The following STEAP1B variants were observed in gnomAD, a reference collection of about 807,000 sequenced individuals.
STEAP1B encodes the protein STEAP family protein MGC87042.
A neutral mutation model predicts 27.9 loss-of-function variants in STEAP1B; 13 were observed. The ratio of observed to expected loss-of-function variants is 0.47; its 90% confidence interval spans 0.30 to 0.74. The LOEUF (loss-of-function observed/expected upper bound fraction) is 0.74, where lower values mean the gene tolerates loss of function less well. STEAP1B is among the 30% of genes least tolerant of loss of function. STEAP1B has a pLI of 0.06. For missense variants in STEAP1B, 250 were observed against 298.7 expected (o/e 0.84, Z 1.20); for synonymous variants, 86 against 107.1 (o/e 0.80, Z 1.22).
intron 4 of STEAP1B, among the ~76,000 whole-genome samples, chr7:22,489,001 C>T (rs1786270973): frequency 6.6e-6 from 1 of 152,188 alleles, no homozygotes; most frequent in Non-Finnish European, 1.5e-5. Context: ...AAGTTCTCTT[C>T]TACCCAAGGC....
chr7:22,435,548 AG>A (rs952701978), intron 4 of STEAP1B, among the ~76,000 whole-genome samples: 2 of 152,266 alleles, frequency 1.3e-5, no homozygotes, highest in Admixed American at 1.3e-4. Flanking sequence ...CTCAGCACCA[AG>A]GGGGGTGGTT....
At chr7:22,450,996 A>G (rs995177596) in intron 4 of STEAP1B, among the ~76,000 whole-genome samples, 5 of 152,092 alleles carry the variant, frequency 3.3e-5, no homozygotes, top group Admixed American at 3.3e-4. Context: ...GGAGTTCAAG[A>G]CCAGCCTGGC....
chr7:22,463,744 G>C (rs943753450), intron 4 of STEAP1B, among the ~76,000 whole-genome samples: 1 of 152,004 alleles, frequency 6.6e-6, no homozygotes, highest in Non-Finnish European at 1.5e-5. Context: ...GGGAAAACTG[G>C]CTAGCCATAT....
chr7:22,439,521 G>T (rs987556229), intron 4 of STEAP1B, among the ~76,000 whole-genome samples: 9 of 152,026 alleles, frequency 5.9e-5, no homozygotes, highest in Admixed American at 5.2e-4. Context: ...TGGGACTGCT[G>T]CTATAAATTC....
chr7:22,474,455 C>T (rs1785937954), intron 4 of STEAP1B, among the ~76,000 whole-genome samples: 1 of 152,220 alleles, frequency 6.6e-6, no homozygotes, highest in Non-Finnish European at 1.5e-5. Context: ...CCAAGTTGTA[C>T]AGTCCTGTGT....
chr7:22,450,596 T>C (rs1785471732), intron 4 of STEAP1B, among the ~76,000 whole-genome samples: 1 of 117,448 alleles, frequency 8.5e-6, no homozygotes, highest in Admixed American at 9.5e-5. Flanking sequence ...TTCCTGTAGT[T>C]TTGTTTTTTT....
At chr7:22,430,252 A>T (rs1332299535) in intron 4 of STEAP1B, among the ~76,000 whole-genome samples, 1 of 152,198 alleles carries the variant, frequency 6.6e-6, no homozygotes, top group Admixed American at 6.5e-5. Context: ...TCACCTGCCT[A>T]TTGGAAAATA....
chr7:22,475,394 G>A (rs139094747), intron 4 of STEAP1B, among the ~76,000 whole-genome samples: 2 of 152,342 alleles, frequency 1.3e-5, no homozygotes, highest in Non-Finnish European at 2.9e-5. Flanking sequence ...TTCGTTCTGA[G>A]TCAGGGTCTT....
At chr7:22,483,856 C>A (rs1786128759) in intron 4 of STEAP1B, among the ~76,000 whole-genome samples, 1 of 152,184 alleles carries the variant, frequency 6.6e-6, no homozygotes, top group Non-Finnish European at 1.5e-5. Context: ...CTGTCTCATA[C>A]AGGTGTGATT....
At position 22,493,308 on chromosome 7, in the gene STEAP1B, A is replaced by G. The variant is rs778252526; in HGVS notation, c.597+16T>C. ...TAGACTTTTTATTAGTAACAGTGAC[A>G]TCATTGTCATCTCACCTGTTGATAT... On this transcript the variant is annotated intron_variant, in intron 3 of 4. Coordinates refer to ENST00000678116, the MANE Select transcript of STEAP1B (RefSeq NM_001382447.1). 3.1e-6 allele frequency: 5 copies of G among 1,597,684 alleles called. No homozygotes were observed. Among genetic ancestry groups the G allele is most frequent in the Non-Finnish European group, 4.3e-6 (5 of 1,168,786 alleles).
intron 4 of STEAP1B, among the ~76,000 whole-genome samples, chr7:22,452,474 C>T (rs781326351): frequency 3.9e-5 from 6 of 152,026 alleles, no homozygotes; most frequent in Non-Finnish European, 7.4e-5. Context: ...AAAGAAGAGC[C>T]GGTAATGCGG....
Position 22,421,294 on chromosome 7 carries a change from A to C in STEAP1B, c.763-1458T>G, listed in dbSNP as rs117088628. Reference sequence around the variant, plus strand: ...ATAAAGGCAATGATAATGATGGGTGATGATGGTGATGGCAATGTCATCATT... The same window carrying C: ...ATAAAGGCAATGATAATGATGGGTGCTGATGGTGATGGCAATGTCATCATT... On this transcript the variant is annotated intron_variant, in intron 4 of 4. Transcript: ENST00000678116. 5.2e-4 allele frequency among the ~76,000 whole-genome samples: 79 copies of C among 152,358 alleles called. No homozygotes were observed. In the East Asian group the frequency reaches 0.015, roughly 28 times the overall value.
intron 4 of STEAP1B, among the ~76,000 whole-genome samples, chr7:22,424,845 T>C (rs1785086239): frequency 6.6e-6 from 1 of 151,136 alleles, no homozygotes; most frequent in Non-Finnish European, 1.5e-5. Flanking sequence ...AATACTTGAG[T>C]TATCATATTC....
At chr7:22,456,450 A>G (rs564417930) in intron 4 of STEAP1B, among the ~76,000 whole-genome samples, 22 of 152,192 alleles carry the variant, frequency 1.4e-4, no homozygotes, top group Non-Finnish European at 2.9e-4. Flanking sequence ...GCAGGAGCCA[A>G]CCATTCTTAT....
At chr7:22,456,160 AT>A (rs1358029549) in intron 4 of STEAP1B, among the ~76,000 whole-genome samples, 1 of 152,072 alleles carries the variant, frequency 6.6e-6, no homozygotes, top group South Asian at 2.1e-4. Flanking sequence ...AAAAAAAAAA[AT>A]CTTCCTAATC....
At chr7:22,458,634 A>G (rs550605396) in intron 4 of STEAP1B, among the ~76,000 whole-genome samples, 2 of 152,348 alleles carry the variant, frequency 1.3e-5, no homozygotes, top group South Asian at 2.1e-4. Flanking sequence ...GATGGAGGGA[A>G]AGCATTTTGC....
At position 22,438,450 on chromosome 7, in the gene STEAP1B, T is replaced by A. The variant is rs375787591; in HGVS notation, c.763-18614A>T. On this transcript the variant is annotated intron_variant, in intron 4 of 4. Coordinates refer to ENST00000678116, the MANE Select transcript of STEAP1B (RefSeq NM_001382447.1). The stretch of plus-strand genomic sequence containing the variant: ...TGGTCTGGTCTGCAAGTATGTAAGA[T>A]GTATGAGCAGGGAACAAGGTTCTCA... 7.2e-6 allele frequency: 11 copies of A among 1,528,586 alleles called. No individual in the cohort carries two copies. In the African/African-American group the frequency reaches 1.5e-4, roughly 21 times the overall value. 94.7% of individuals were successfully genotyped at this position (1,528,586 alleles called of 1,614,324 possible).
At chr7:22,456,115 C>T (rs917868580) in intron 4 of STEAP1B, among the ~76,000 whole-genome samples, 14 of 152,146 alleles carry the variant, frequency 9.2e-5, no homozygotes, top group African/African-American at 3.4e-4. Flanking sequence ...CCACTGCCCT[C>T]CGGCCTGGGC....
intron 4 of STEAP1B, among the ~76,000 whole-genome samples, chr7:22,479,566 A>G (rs939877135): frequency 1.7e-4 from 26 of 152,108 alleles, no homozygotes; most frequent in African/African-American, 6.0e-4. Context: ...TGCTGACTTC[A>G]GACTCCCCTA....
Sources: allele counts gnomAD v4.1 joint callset (sites outside exome capture counted in the v4.1 genomes callset), GRCh38; gene constraint gnomAD v4.1.1; transcripts MANE v1.5; gene names NCBI Gene and HGNC (gene_info 2026-07-23, HGNC 2026-07-21).